Variants in RGMA observed in about 807,000 individuals in gnomAD.
RGMA encodes repulsive guidance molecule BMP co-receptor a.
Under a neutral mutation model 23.2 loss-of-function variants are expected in RGMA, and 10 were observed. The observed-to-expected ratio is 0.43, with a 90% CI of 0.27 to 0.73. The LOEUF (loss-of-function observed/expected upper bound fraction) is 0.73, where lower values mean the gene tolerates loss of function less well. Among genes scored for constraint, RGMA ranks in the 30% least tolerant of loss-of-function variants. The pLI is 0.20. For synonymous variants in RGMA, 308 were observed against 279.3 expected (o/e 1.10, Z -1.03); for missense variants, 547 against 630.5 (o/e 0.87, Z 1.42).
At chr15:93,061,450 C>T (rs1894960578) in intron 2 of RGMA, among the ~76,000 whole-genome samples, 1 of 152,200 alleles carries the variant, frequency 6.6e-6, no homozygotes, top group Non-Finnish European at 1.5e-5. Context: ...ACGCCTGGCC[C>T]CTATCAGAGA....
At chr15:93,080,732 T>G (rs1178620180) in intron 1 of RGMA, among the ~76,000 whole-genome samples, 1 of 152,166 alleles carries the variant, frequency 6.6e-6, no homozygotes, top group Non-Finnish European at 1.5e-5. Flanking sequence ...TTCCGTGGTA[T>G]TTGGATGTAT....
At chr15:93,066,553 G>A (rs1895160126) in intron 2 of RGMA, 2 of 476,686 alleles carry the variant, frequency 4.2e-6, no homozygotes, top group Non-Finnish European at 8.1e-6. Flanking sequence ...CCTGCTTTCT[G>A]GGGCTTCCCT....
Position 93,042,281 on chromosome 15 carries a change from C to T in RGMA, c.*2717G>A, listed in dbSNP as rs559700125. ...TGCTAGCCTGCAGGTTCACCTCTCC[C>T]AAGAGTCCAGGGTCTGTATCGCCCC... On this transcript the variant is annotated 3_prime_UTR_variant, in exon 4 of 4. Transcript: ENST00000329082. 6.6e-6 allele frequency: 1 copy of T among 152,296 alleles called. No individual in the cohort carries two copies. The highest frequency in any genetic ancestry group is 1.5e-5 in the Non-Finnish European group (1 of 68,082). 9.4% of individuals were successfully genotyped at this position (152,296 alleles called of 1,614,324 possible).
intron 1 of RGMA, among the ~76,000 whole-genome samples, chr15:93,087,601 T>C (rs1324823987): frequency 6.6e-6 from 1 of 152,028 alleles, no homozygotes; most frequent in Non-Finnish European, 1.5e-5. Flanking sequence ...CTAGGGGTCA[T>C]GGCTCAAAAT....
chr15:93,058,031 T>G (rs1319185298), intron 2 of RGMA, among the ~76,000 whole-genome samples: 1 of 152,176 alleles, frequency 6.6e-6, no homozygotes, highest in Non-Finnish European at 1.5e-5. Flanking sequence ...GCTGAGACAT[T>G]TTCTGGGAGA....
chr15:93,052,515 G>C lies in RGMA; in HGVS notation c.131-8C>G. ...TCTTGCACGGGGAGGTGGCTGAGGA[G>C]AAAGGAACGAACACACCGTCGGGGT... On this transcript the variant is annotated splice_region_variant and splice_polypyrimidine_tract_variant and intron_variant, in intron 2 of 3. Coordinates refer to ENST00000329082, the MANE Select transcript of RGMA (RefSeq NM_020211.3). 1 of 1,560,050 alleles carries C rather than the reference G, an allele frequency of 6.4e-7. No homozygotes were observed. The highest frequency in any genetic ancestry group is 8.7e-7 in the Non-Finnish European group (1 of 1,153,110).
chr15:93,066,378 G>A (rs984908615), intron 2 of RGMA: 19 of 730,702 alleles, frequency 2.6e-5, no homozygotes, highest in Middle Eastern at 2.4e-4. Flanking sequence ...CAGCTTGTTC[G>A]CGTGACTCCA....
At chr15:93,051,856 G>A (rs1024024873) in intron 3 of RGMA, 137 bp downstream of exon 3, 8 of 900,880 alleles carry the variant, frequency 8.9e-6, no homozygotes, top group African/African-American at 8.4e-5. Context: ...GATGCTCAGG[G>A]AGGGTGCTCC....
intron 1 of RGMA, chr15:93,073,577 T>C: frequency 6.5e-7 from 1 of 1,533,876 alleles, no homozygotes; most frequent in Non-Finnish European, 8.7e-7. Context: ...CCAACCAGAC[T>C]GCCGACCCCA....
Position 93,043,304 on chromosome 15 carries a change from GCA to G in RGMA, c.*1692_*1693del, listed in dbSNP as rs765601377. On this transcript the variant is annotated 3_prime_UTR_variant, in exon 4 of 4. Transcript: ENST00000329082. ...CACATGCGCGCACACACACATGCGC[GCA>G]CACACACACACTTGCTGCAGGGGAT... 8.6e-5 allele frequency: 13 copies of G among 150,798 alleles called. No homozygotes were observed. The highest frequency in any genetic ancestry group is 3.4e-3 in the Middle Eastern group (1 of 292). The allele number at this position is 150,798 out of a possible 1,614,324, so 9.3% of individuals were successfully genotyped here. A position where few individuals can be genotyped will look rare whatever the true frequency, so the allele number is the denominator to read the frequency against.
chr15:93,051,276 C>A (rs948098954), intron 3 of RGMA, among the ~76,000 whole-genome samples: 1 of 152,168 alleles, frequency 6.6e-6, no homozygotes, highest in Non-Finnish European at 1.5e-5. Flanking sequence ...TGGCACTGCC[C>A]GACACACGGC....
chr15:93,065,956 G>C, intron 2 of RGMA: 6 of 860,108 alleles, frequency 7.0e-6, no homozygotes, highest in South Asian at 1.5e-5. Flanking sequence ...GAAGAAGGGT[G>C]GGGGGCGCCG....
At chr15:93,055,568 G>A (rs1007435582) in intron 2 of RGMA, among the ~76,000 whole-genome samples, 3 of 152,002 alleles carry the variant, frequency 2.0e-5, no homozygotes, top group Non-Finnish European at 4.4e-5. Context: ...GAGAGCTCAC[G>A]CCCCCGGCAG....
At chr15:93,065,710 TG>T in intron 2 of RGMA, 1 of 1,196,354 alleles carries the variant, frequency 8.4e-7, no homozygotes, top group Non-Finnish European at 1.2e-6. Context: ...TCGTGGGCCC[TG>T]GGGCTCAGGC....
chr15:93,076,605 T>G (rs1895476728), intron 1 of RGMA, among the ~76,000 whole-genome samples: 1 of 152,216 alleles, frequency 6.6e-6, no homozygotes, highest in Non-Finnish European at 1.5e-5. Context: ...AAAGGTGGTG[T>G]CTTTCAAAAT....
At chr15:93,074,151 T>A in intron 1 of RGMA, 2 of 548,334 alleles carry the variant, frequency 3.6e-6, no homozygotes, top group Non-Finnish European at 2.5e-6. Flanking sequence ...GAGCAAGTGT[T>A]CTTAGTCAAA....
intron 2 of RGMA, among the ~76,000 whole-genome samples, chr15:93,055,043 G>A (rs189386893): frequency 5.3e-5 from 8 of 152,256 alleles, no homozygotes; most frequent in Middle Eastern, 3.4e-3. Flanking sequence ...ACTGACTGGC[G>A]CGGTGGCCTA....
chr15:93,048,906 G>C (rs1045750682), intron 3 of RGMA, among the ~76,000 whole-genome samples: 4 of 141,698 alleles, frequency 2.8e-5, no homozygotes, highest in African/African-American at 1.0e-4. Context: ...ACTGGGGGTG[G>C]GGGGGGGCGG....
chr15:93,080,305 C>T (rs1032161800), intron 1 of RGMA, among the ~76,000 whole-genome samples: 1 of 152,016 alleles, frequency 6.6e-6, no homozygotes, highest in Non-Finnish European at 1.5e-5. Flanking sequence ...TTCAAGCGAT[C>T]CTTCCTCCTC....
Sources: gnomAD v4.1 joint callset for allele counts (sites outside exome capture counted in the v4.1 genomes callset) on GRCh38, gnomAD v4.1.1 for gene constraint, MANE v1.5 for transcripts, NCBI Gene and HGNC (gene_info 2026-07-23, HGNC 2026-07-21) for gene names.